Variants in ZNF831 observed in about 807,000 individuals in gnomAD.
ZNF831 encodes chromosome 20 open reading frame 174.
ZNF831 carries 59 observed loss-of-function variants against 95.8 expected under a neutral mutation model. The observed-to-expected ratio is 0.62, with a 90% CI of 0.50 to 0.77. ZNF831 has a LOEUF of 0.77. Ranked by LOEUF, ZNF831 falls within the 30% of genes least tolerant of loss-of-function variation. The probability of loss-of-function intolerance (pLI) is 0.00; values close to 1 mark genes in which losing one functional copy is unlikely to be tolerated. For synonymous variants in ZNF831, 961 were observed against 925.5 expected (o/e 1.04, Z -0.70); for missense variants, 2,205 against 2,164.0 (o/e 1.02, Z -0.38).
intron 1 of ZNF831, among the ~76,000 whole-genome samples, chr20:59,133,467 A>C (rs150520101): frequency 4.9e-4 from 75 of 152,326 alleles, no homozygotes; most frequent in African/African-American, 1.8e-3. Flanking sequence ...AATTTAAAGC[A>C]ATGTATATGA....
intron 3 of ZNF831, among the ~76,000 whole-genome samples, chr20:59,196,633 T>A (rs1257520821): frequency 6.6e-6 from 1 of 152,152 alleles, no homozygotes; most frequent in East Asian, 1.9e-4. Flanking sequence ...CTTTCTACCC[T>A]CATTTTCCCT....
Position 59,240,804 on chromosome 20 carries a change from AAAATAAAT to A in ZNF831, c.4028-12154_4028-12147del, listed in dbSNP as rs755896131. On this transcript the variant is annotated intron_variant, in intron 4 of 5. Coordinates refer to ENST00000371030, the MANE Select transcript of ZNF831 (RefSeq NM_178457.3). ...GCGACAGAGCGAGCCTCCGTCTCAAAAAATAAATAAATAAATAAATAAATAAAAATATT... is the reference window on the plus strand; with the variant it reads ...GCGACAGAGCGAGCCTCCGTCTCAAAAAATAAATAAATAAATAAAAATATT... 1.3e-4 allele frequency among the ~76,000 whole-genome samples: 20 copies of A among 152,178 alleles called. 1 individual carries two copies. Among genetic ancestry groups the A allele is most frequent in the African/African-American group, 4.1e-4 (17 of 41,546 alleles).
chr20:59,132,893 A>G (rs1979391518), intron 1 of ZNF831, among the ~76,000 whole-genome samples: 1 of 152,272 alleles, frequency 6.6e-6, no homozygotes, highest in African/African-American at 2.4e-5. Context: ...AAGGCCTGAC[A>G]GTGGCCCATT....
rs765122082 is a variant in ZNF831 at position 59,194,505 on chromosome 20, C to T, written c.3486C>T (p.His1162=). ...CCCACTCAGGGACGTCCCGGAGCCA[C>T]AGCACCCGCAGTCCCCACAGCACCC... ...LSSHSGTSRS[H]STRSPHSTQN... The change falls in exon 2 of 6, where the codon CAC becomes CAT. Residue 1162 remains histidine, a synonymous_variant. Coordinates refer to ENST00000371030, the MANE Select transcript of ZNF831 (RefSeq NM_178457.3). 11 of 1,610,012 alleles carry T rather than the reference C, an allele frequency of 6.8e-6. No individual in the cohort carries two copies. Among genetic ancestry groups the T allele is most frequent in the Non-Finnish European group, 9.3e-6 (11 of 1,178,188 alleles).
chr20:59,137,720 A>T (rs1331091220), intron 1 of ZNF831, among the ~76,000 whole-genome samples: 1 of 152,198 alleles, frequency 6.6e-6, no homozygotes, highest in Non-Finnish European at 1.5e-5. Flanking sequence ...GTGCCAGCAG[A>T]GCATTTATAG....
intron 2 of ZNF831, among the ~76,000 whole-genome samples, chr20:59,149,806 T>G (rs538157106): frequency 1.4e-4 from 22 of 152,372 alleles, no homozygotes; most frequent in Admixed American, 5.9e-4. Flanking sequence ...AGGCCCAGTC[T>G]CCACTGCCTT....
At chr20:59,162,632 A>T (rs1980942816), upstream of ZNF831, among the ~76,000 whole-genome samples, 1 of 152,066 alleles carries the variant, frequency 6.6e-6, no homozygotes, top group Non-Finnish European at 1.5e-5. Context: ...TGGGTTCTCT[A>T]TTCTGTTCCA....
chr20:59,140,992 CA>C (rs1340695555), intron 1 of ZNF831, among the ~76,000 whole-genome samples: 33 of 152,064 alleles, frequency 2.2e-4, no homozygotes, highest in African/African-American at 7.0e-4. Flanking sequence ...CTCTTCCTCC[CA>C]GGTTCAAGCA....
chr20:59,253,875 T>TTTTCC (rs1600693823), intron 5 of ZNF831, 23 bp from the exon 6 acceptor site: 25 of 881,868 alleles, frequency 2.8e-5, no homozygotes, highest in South Asian at 1.1e-4. Flanking sequence ...CCCACTTTTT[T>TTTTCC]TTTCCTTTGC....
chr20:59,179,656 G>A (rs1982452233), intron 1 of ZNF831, among the ~76,000 whole-genome samples: 1 of 152,048 alleles, frequency 6.6e-6, no homozygotes, highest in South Asian at 2.1e-4. Flanking sequence ...CCGTCCTCGC[G>A]TGGGTCTTCG....
intron 4 of ZNF831, among the ~76,000 whole-genome samples, chr20:59,248,179 T>C (rs1213874034): frequency 6.6e-6 from 1 of 152,212 alleles, no homozygotes; most frequent in Non-Finnish European, 1.5e-5. Flanking sequence ...AGTCCCATAA[T>C]TGTGTAAGAG....
At position 59,192,239 on chromosome 20, in the gene ZNF831, G is replaced by T; in HGVS notation, c.1220G>T (p.Arg407Leu). ...LELEKKRLEERIAQLISHNQA... is the reference protein window; with the variant it reads ...LELEKKRLEELIAQLISHNQA... ...CTGGAGAAGAAGCGGCTGGAGGAGC[G>T]CATCGCCCAGCTCATCTCCCACAAC... The change falls in exon 2 of 6, where the codon CGC (arginine) becomes CTC (leucine). Residue 407 changes from arginine to leucine, a missense_variant. Physicochemically the swap from Arg to Leu is moderately radical, Grantham distance 102. Coordinates refer to ENST00000371030, the MANE Select transcript of ZNF831 (RefSeq NM_178457.3). The surrounding 1 kb of genome is among the most constrained non-coding windows in gnomAD (Gnocchi z 5.2). 1 of 1,592,980 alleles carries T rather than the reference G, an allele frequency of 6.3e-7. No individual in the cohort carries two copies. Among genetic ancestry groups the T allele is most frequent in the South Asian group, 1.1e-5 (1 of 88,364 alleles).
chr20:59,202,187 T>G (rs1434146692), intron 3 of ZNF831, among the ~76,000 whole-genome samples: 2 of 152,220 alleles, frequency 1.3e-5, no homozygotes, highest in African/African-American at 2.4e-5. Context: ...TGATCTCCCC[T>G]ACTTTTATTG....
chr20:59,127,355 G>A (rs999263141), intron 1 of ZNF831, among the ~76,000 whole-genome samples: 2 of 152,080 alleles, frequency 1.3e-5, no homozygotes, highest in African/African-American at 2.4e-5. Context: ...TAATCCGTGG[G>A]ATCCTGTGAA....
chr20:59,129,659 GCC>G (rs1294123716), intron 1 of ZNF831, among the ~76,000 whole-genome samples: 3 of 152,106 alleles, frequency 2.0e-5, no homozygotes, highest in Admixed American at 6.5e-5. Context: ...GAACTGTGTA[GCC>G]CCGTGAAGTT....
intron 2 of ZNF831, among the ~76,000 whole-genome samples, chr20:59,158,117 C>T (rs932651432): frequency 2.0e-5 from 3 of 152,232 alleles, no homozygotes; most frequent in Non-Finnish European, 4.4e-5. Flanking sequence ...GAATGTACCA[C>T]ACCCTGCTCT....
At chr20:59,249,526 T>C (rs1987781483) in intron 4 of ZNF831, among the ~76,000 whole-genome samples, 1 of 152,102 alleles carries the variant, frequency 6.6e-6, no homozygotes, top group East Asian at 1.9e-4. Flanking sequence ...CTCTTCAAGG[T>C]GGAGCATGGT....
intron 1 of ZNF831, among the ~76,000 whole-genome samples, chr20:59,167,101 C>A (rs1293628225): frequency 1.3e-5 from 2 of 152,326 alleles, no homozygotes; most frequent in Middle Eastern, 3.4e-3. Flanking sequence ...TTTGCTGTTT[C>A]ACTATTTTTT....
chr20:59,185,354 G>C (rs1053494885), intron 1 of ZNF831, among the ~76,000 whole-genome samples: 5 of 152,272 alleles, frequency 3.3e-5, no homozygotes, highest in Admixed American at 3.3e-4. Flanking sequence ...AATGATCATC[G>C]TGGCAGGTGT....
Sources: allele counts gnomAD v4.1 joint callset (sites outside exome capture counted in the v4.1 genomes callset), GRCh38; gene constraint gnomAD v4.1.1; non-coding constraint Gnocchi (gnomAD v3.1); transcripts MANE v1.5; gene names NCBI Gene and HGNC (gene_info 2026-07-23, HGNC 2026-07-21).